The following ESRRB variants were observed in gnomAD, a reference collection of about 807,000 sequenced individuals.
The protein encoded by ESRRB is steroid hormone receptor ERR2.
A neutral mutation model predicts 46.0 loss-of-function variants in ESRRB; 16 were observed. The ratio of observed to expected loss-of-function variants is 0.35; its 90% CI spans 0.24 to 0.53. The LOEUF (loss-of-function observed/expected upper bound fraction) is 0.53, where lower values mean the gene tolerates loss of function less well. ESRRB is among the 20% of genes least tolerant of loss of function. The probability of loss-of-function intolerance (pLI) is 0.93; values close to 1 mark genes in which losing one functional copy is unlikely to be tolerated. For missense variants in ESRRB, 488 were observed against 607.4 expected (o/e 0.80, Z 2.07); for synonymous variants, 246 against 259.6 (o/e 0.95, Z 0.50).
At chr14:76,495,318 C>T (rs191846115) in intron 6 of ESRRB, 415 of 152,226 alleles carry the variant, frequency 2.7e-3, no homozygotes, top group Admixed American at 3.6e-3. Context: ...GCCCCAGCAA[C>T]ATGTAGAGAG....
intron 5 of ESRRB, 71 bp from the exon 6 acceptor site, chr14:76,491,376 G>A: frequency 1.3e-6 from 2 of 1,528,536 alleles, no homozygotes; most frequent in Non-Finnish European, 1.8e-6. Context: ...TCTGCCCCCA[G>A]CGAGCCCCAG....
At chr14:76,368,126 C>CTTT (rs751709764), upstream of ESRRB, among the ~76,000 whole-genome samples, 13 of 124,226 alleles carry the variant, frequency 1.0e-4, no homozygotes, top group African/African-American at 3.4e-4. Context: ...CTAATTTTTC[C>CTTT]TTTTTTTTTT....
chr14:76,408,591 CAAA>C (rs35955826), intron 1 of ESRRB, among the ~76,000 whole-genome samples: 14 of 42,150 alleles, frequency 3.3e-4, no homozygotes, highest in East Asian at 3.1e-3. Context: ...GACCCTGTCT[CAAA>C]AAAAAAAAAA....
At chr14:76,398,173 G>A (rs1885779005) in intron 1 of ESRRB, among the ~76,000 whole-genome samples, 2 of 152,210 alleles carry the variant, frequency 1.3e-5, no homozygotes, top group African/African-American at 4.8e-5. Flanking sequence ...AGTGTATCGT[G>A]CATTACCCAG....
chr14:76,483,939 C>T (rs1889905780), intron 5 of ESRRB, among the ~76,000 whole-genome samples: 4 of 152,280 alleles, frequency 2.6e-5, no homozygotes, highest in East Asian at 1.9e-4. Flanking sequence ...CTGCAACCTT[C>T]GCCCCCCAGG....
intron 1 of ESRRB, among the ~76,000 whole-genome samples, chr14:76,314,896 G>A (rs955053993): frequency 6.6e-6 from 1 of 152,014 alleles, no homozygotes; most frequent in African/African-American, 2.4e-5. Flanking sequence ...CTTGGAAAGG[G>A]AGGGCAGGAA....
At chr14:76,330,147 A>G (rs1883995554) in intron 1 of ESRRB, among the ~76,000 whole-genome samples, 1 of 152,126 alleles carries the variant, frequency 6.6e-6, no homozygotes. Context: ...ACCGCAGGCC[A>G]GGATGGGCCC....
chr14:76,333,077 A>AT (rs1884064072), intron 1 of ESRRB, among the ~76,000 whole-genome samples: 1 of 9,616 alleles, frequency 1.0e-4, no homozygotes, highest in African/African-American at 3.4e-4. Context: ...TATATTATAT[A>AT]TATTATTTAT....
chr14:76,316,162 T>G (rs1399122881), intron 1 of ESRRB, among the ~76,000 whole-genome samples: 1 of 152,200 alleles, frequency 6.6e-6, no homozygotes, highest in Non-Finnish European at 1.5e-5. Flanking sequence ...ACTTGACAAA[T>G]GAATCCAAAC....
intron 6 of ESRRB, 73 bp downstream of exon 6, chr14:76,491,789 GC>G (rs1890244390): frequency 6.8e-7 from 1 of 1,468,504 alleles, no homozygotes; most frequent in South Asian, 1.4e-5. Context: ...CATCCCTGGG[GC>G]CTGTGGGCAG....
intron 3 of ESRRB, among the ~76,000 whole-genome samples, chr14:76,478,205 C>G (rs749602788): frequency 6.6e-6 from 1 of 152,150 alleles, no homozygotes; most frequent in Non-Finnish European, 1.5e-5. Flanking sequence ...CTGGCCTTAA[C>G]GGGTGCCTAG....
chr14:76,338,765 G>A (rs1265646686), intron 1 of ESRRB, among the ~76,000 whole-genome samples: 7 of 152,264 alleles, frequency 4.6e-5, no homozygotes, highest in South Asian at 4.1e-4. Flanking sequence ...GGCCAACATG[G>A]TGAAACCTGG....
At chr14:76,316,583 C>T (rs1883802976) in intron 1 of ESRRB, among the ~76,000 whole-genome samples, 1 of 152,162 alleles carries the variant, frequency 6.6e-6, no homozygotes, top group Admixed American at 6.5e-5. Flanking sequence ...GTTCTTTCTT[C>T]ATGGGGCCAC....
intron 1 of ESRRB, among the ~76,000 whole-genome samples, chr14:76,430,981 G>A (rs1887415870): frequency 6.6e-6 from 1 of 152,224 alleles, no homozygotes; most frequent in Non-Finnish European, 1.5e-5. Flanking sequence ...GTGTGGGAAA[G>A]ATCCTTGAGA....
chr14:76,459,392 C>T (rs1413180684), intron 2 of ESRRB, among the ~76,000 whole-genome samples: 5 of 152,086 alleles, frequency 3.3e-5, no homozygotes, highest in Admixed American at 6.5e-5. Flanking sequence ...GGAGAAGGAG[C>T]GCCTCCCCAT....
Position 76,482,206 on chromosome 14 carries a change from T to G in ESRRB, c.688+80T>G. 9.7e-7 allele frequency: 1 copy of G among 1,030,712 alleles called. No homozygotes were observed. The highest frequency in any genetic ancestry group is 1.5e-6 in the Non-Finnish European group (1 of 661,478). 63.8% of individuals were successfully genotyped at this position (1,030,712 alleles called of 1,614,324 possible). A position where few individuals can be genotyped will look rare whatever the true frequency, so the allele number is the denominator to read the frequency against. ...AGGCATCCCTTAGGGAAACATCATC[T>G]TCCCACCACTGGGTCATGAGACAAT... is the stretch of plus-strand genomic sequence containing the variant. On this transcript the variant is annotated intron_variant, in intron 4 of 6. Transcript: ENST00000644823. This position sits in a 1 kb window ranked among gnomAD's most constrained non-coding sequence, Gnocchi z 4.3.
intron 2 of ESRRB, among the ~76,000 whole-genome samples, chr14:76,444,144 C>G (rs1416354377): frequency 6.6e-6 from 1 of 151,988 alleles, no homozygotes; most frequent in Admixed American, 6.6e-5. Context: ...CTCCACCTCC[C>G]AGCTCAGCTT....
intron 1 of ESRRB, among the ~76,000 whole-genome samples, chr14:76,396,909 G>T (rs1354552401): frequency 6.6e-6 from 1 of 152,350 alleles, no homozygotes; most frequent in East Asian, 1.9e-4. Flanking sequence ...CGAGGGAGTC[G>T]CTGGAGGATC....
At position 76,462,486 on chromosome 14, in the gene ESRRB, T is replaced by C. The variant is rs554471567; in HGVS notation, c.461-59T>C. ...AATCCCCATCCAGCCAGCCCTGCGC[T>C]GGCAGGTGGGGGCCCTGGGCGGCCA... On this transcript the variant is annotated intron_variant, in intron 2 of 6. Transcript: ENST00000644823. The C allele has an allele frequency of 9.8e-5, 129 of 1,321,152 alleles. No individual in the cohort carries two copies. In the African/African-American group the frequency reaches 1.4e-3, roughly 14 times the overall value. 81.8% of individuals were successfully genotyped at this position (1,321,152 alleles called of 1,614,324 possible).
Sources: gnomAD v4.1 joint callset for allele counts (sites outside exome capture counted in the v4.1 genomes callset) on GRCh38, gnomAD v4.1.1 for gene constraint, Gnocchi (gnomAD v3.1) non-coding constraint, MANE v1.5 for transcripts, NCBI Gene and HGNC (gene_info 2026-07-23, HGNC 2026-07-21) for gene names.